Variants in ASTN1 observed in about 807,000 individuals in gnomAD.
ASTN1 encodes the protein astrotactin 1.
In ASTN1, 41 loss-of-function variants were observed where a neutral mutation model predicts 140.7. The observed-to-expected ratio is 0.29, with a 90% CI of 0.23 to 0.38. The LOEUF (loss-of-function observed/expected upper bound fraction) is 0.38. Ranked by LOEUF, ASTN1 falls within the 10% of genes least tolerant of loss-of-function variation. The pLI is 1.00. For synonymous variants in ASTN1, 640 were observed against 652.2 expected (o/e 0.98, Z 0.29); for missense variants, 1,479 against 1,678.8 (o/e 0.88, Z 2.08).
intron 21 of ASTN1, among the ~76,000 whole-genome samples, chr1:176,874,026 CTAATCACCT>C: frequency 6.6e-6 from 1 of 152,162 alleles, no homozygotes; most frequent in East Asian, 1.9e-4. Flanking sequence ...CCTCCACCTG[CTAATCACCT>C]CCCTGATGTC....
intron 1 of ASTN1, among the ~76,000 whole-genome samples, chr1:177,106,332 C>T (rs1203409264): frequency 6.6e-6 from 1 of 152,130 alleles, no homozygotes; most frequent in Non-Finnish European, 1.5e-5. Context: ...ATATTTTTAA[C>T]TCCACTGGCC....
At position 177,138,838 on chromosome 1, in the gene ASTN1, T is replaced by C. The variant is rs375213668; in HGVS notation, c.283+25556A>G. Among the ~76,000 whole-genome samples, 22 of 152,350 alleles carry C rather than the reference T, an allele frequency of 1.4e-4. No individual in the cohort carries two copies. The East Asian group carries it at 2.1e-3, about 15-fold the overall frequency. On this transcript the variant is annotated intron_variant, in intron 1 of 22. Transcript: ENST00000361833. Reference sequence around the variant, plus strand: ...GAAAACTGTGCCAGCTTCCCTAAAATATGATTTCCTGCTTTCTTGTGAGAA... The same window carrying C: ...GAAAACTGTGCCAGCTTCCCTAAAACATGATTTCCTGCTTTCTTGTGAGAA...
intron 16 of ASTN1, among the ~76,000 whole-genome samples, chr1:176,915,621 G>A (rs1670446708): frequency 6.6e-6 from 1 of 152,082 alleles, no homozygotes; most frequent in Admixed American, 6.6e-5. Context: ...AGCTTCCGGT[G>A]GTATCATTCG....
intron 16 of ASTN1, among the ~76,000 whole-genome samples, chr1:176,902,915 G>T (rs556978529): frequency 9.3e-4 from 142 of 152,316 alleles, no homozygotes; most frequent in African/African-American, 3.3e-3. Flanking sequence ...TCCAAGAACT[G>T]CTGGGAAGCC....
intron 21 of ASTN1, among the ~76,000 whole-genome samples, chr1:176,871,807 T>A (rs981545727): frequency 7.2e-5 from 11 of 152,218 alleles, no homozygotes; most frequent in African/African-American, 2.7e-4. Context: ...TATTTTTAGT[T>A]ATAATTTTAC....
Position 176,876,625 on chromosome 1 carries a change from C to T in ASTN1, c.3375G>A (p.Trp1125Ter). ...AGCGCCGTCCTGTGTTGTCCACTCC[C>T]CACAGCGTGAACCTGGCAGGGAGTG... ...EPDTIYMFTL[W>*]GVDNTGRRSR... is the part of the protein sequence containing the mutation. The change falls in exon 21 of 23, where the codon TGG (tryptophan) becomes TGA (stop). Residue 1125 changes from tryptophan to a stop codon, truncating the protein, a stop_gained. Transcript: ENST00000361833. LOFTEE classifies it high-confidence loss of function. 2 of 1,614,110 alleles carry T rather than the reference C, an allele frequency of 1.2e-6. No individual in the cohort carries two copies. The highest frequency in any genetic ancestry group is 1.7e-6 in the Non-Finnish European group (2 of 1,179,992).
chr1:177,125,008 T>C (rs1415584796), intron 1 of ASTN1, among the ~76,000 whole-genome samples: 1 of 152,228 alleles, frequency 6.6e-6, no homozygotes, highest in East Asian at 1.9e-4. Flanking sequence ...TGGCAGAAGA[T>C]AGCAGTGCTG....
At chr1:177,040,658 G>A (rs1676928593) in intron 2 of ASTN1, among the ~76,000 whole-genome samples, 1 of 152,184 alleles carries the variant, frequency 6.6e-6, no homozygotes, top group African/African-American at 2.4e-5. Flanking sequence ...TTCTCAGGAG[G>A]AAATTCAACT....
At chr1:177,113,347 C>A in intron 1 of ASTN1, among the ~76,000 whole-genome samples, 1 of 152,306 alleles carries the variant, frequency 6.6e-6, no homozygotes, top group East Asian at 1.9e-4. Context: ...CCAGGTTGAG[C>A]AGCCCTTCCT....
intron 16 of ASTN1, among the ~76,000 whole-genome samples, chr1:176,909,485 G>A (rs1458386219): frequency 6.6e-6 from 1 of 152,136 alleles, no homozygotes; most frequent in Admixed American, 6.5e-5. Context: ...AGGGGAAAAT[G>A]GGTAAAAAAG....
At chr1:177,075,771 C>T (rs951801355) in intron 1 of ASTN1, among the ~76,000 whole-genome samples, 6 of 151,526 alleles carry the variant, frequency 4.0e-5, no homozygotes, top group Non-Finnish European at 5.9e-5. Flanking sequence ...CTCAGCCTCC[C>T]GAGTAGCTGG....
At chr1:176,942,494 C>T (rs1174541796) in intron 14 of ASTN1, among the ~76,000 whole-genome samples, 1 of 151,888 alleles carries the variant, frequency 6.6e-6, no homozygotes, top group Non-Finnish European at 1.5e-5. Context: ...ACTCATTCTT[C>T]AGAAAAGGAG....
intron 16 of ASTN1, among the ~76,000 whole-genome samples, chr1:176,902,156 T>A (rs1450021673): frequency 1.3e-5 from 2 of 149,440 alleles, no homozygotes; most frequent in Admixed American, 6.6e-5. Flanking sequence ...AGAAAAGATG[T>A]CTTTCGGAAA....
chr1:176,953,037 C>G (rs1190212427), intron 11 of ASTN1, among the ~76,000 whole-genome samples: 3 of 152,170 alleles, frequency 2.0e-5, no homozygotes, highest in African/African-American at 4.8e-5. Context: ...AGGTTAATCA[C>G]CTTTCGTGAG....
intron 1 of ASTN1, among the ~76,000 whole-genome samples, chr1:177,107,924 C>CT (rs926431416): frequency 1.6e-4 from 24 of 151,244 alleles, no homozygotes; most frequent in Non-Finnish European, 2.4e-4. Context: ...TGGGAGGATA[C>CT]TTTTTTTTTA....
chr1:177,068,832 T>C (rs2102050230), intron 1 of ASTN1, among the ~76,000 whole-genome samples: 1 of 150,552 alleles, frequency 6.6e-6, no homozygotes, highest in South Asian at 2.1e-4. Context: ...TTTTTTTTTT[T>C]TTTTTGAGAT....
At chr1:177,040,276 G>C (rs1247640871) in intron 2 of ASTN1, among the ~76,000 whole-genome samples, 2 of 152,206 alleles carry the variant, frequency 1.3e-5, no homozygotes, top group Non-Finnish European at 2.9e-5. Flanking sequence ...AGGCTTTCCA[G>C]TTGCCACGGG....
chr1:176,915,027 G>GA (rs1670422088), intron 16 of ASTN1, among the ~76,000 whole-genome samples: 1 of 152,098 alleles, frequency 6.6e-6, no homozygotes, highest in Non-Finnish European at 1.5e-5. Context: ...GATGTAATGG[G>GA]AAAATCTAAG....
intron 1 of ASTN1, among the ~76,000 whole-genome samples, chr1:177,084,721 G>C (rs964084799): frequency 6.6e-6 from 1 of 151,678 alleles, no homozygotes; most frequent in South Asian, 2.1e-4. Flanking sequence ...TCTTTCTCAC[G>C]GCTTGGTCTA....
Sources: gnomAD v4.1 joint callset for allele counts (sites outside exome capture counted in the v4.1 genomes callset) on GRCh38, gnomAD v4.1.1 for gene constraint, MANE v1.5 for transcripts, NCBI Gene and HGNC (gene_info 2026-07-23, HGNC 2026-07-21) for gene names.